SFI1: variants seen among roughly 807,000 people sequenced by gnomAD.
SFI1 encodes SFI1 centrin binding protein, also known as protein SFI1 homolog.
Under a neutral mutation model 207.5 loss-of-function variants are expected in SFI1, and 195 were observed. The observed-to-expected ratio is 0.94, with a 90% CI of 0.84 to 1.06. The LOEUF is 1.06. Ranked by LOEUF, SFI1 falls within the 50% of genes least tolerant of loss-of-function variation. The pLI is 0.00. For missense variants in SFI1, 1,634 were observed against 1,588.0 expected (o/e 1.03, Z -0.49); for synonymous variants, 630 against 598.9 (o/e 1.05, Z -0.76).
intron 9 of SFI1, among the ~76,000 whole-genome samples, chr22:31,574,263 G>A (rs951612597): frequency 2.6e-5 from 4 of 152,206 alleles, no homozygotes; most frequent in Admixed American, 1.3e-4. Context: ...GTTCATTGGA[G>A]GATAGTGACC....
intron 18 of SFI1, 46 bp from the exon 19 acceptor site, chr22:31,604,263 A>G: frequency 6.7e-7 from 1 of 1,495,520 alleles, no homozygotes. Flanking sequence ...AGCCACCCCC[A>G]ACTCAGACCC....
chr22:31,505,128 A>C (rs1308700035), intron 1 of SFI1, among the ~76,000 whole-genome samples: 1 of 152,166 alleles, frequency 6.6e-6, no homozygotes, highest in East Asian at 1.9e-4. Flanking sequence ...TTTTGATACA[A>C]ATTATCACCA....
At chr22:31,555,392 A>T (rs1471044123) in intron 6 of SFI1, among the ~76,000 whole-genome samples, 1 of 152,100 alleles carries the variant, frequency 6.6e-6, no homozygotes, top group Non-Finnish European at 1.5e-5. Flanking sequence ...AAGAGGCAAG[A>T]GTTATTTCTG....
intron 2 of SFI1, among the ~76,000 whole-genome samples, chr22:31,520,839 TAAA>T (rs779343072): frequency 8.2e-6 from 1 of 121,836 alleles, no homozygotes. Flanking sequence ...CTACAAAAAG[TAAA>T]AAAAAAAAAA....
intron 17 of SFI1, among the ~76,000 whole-genome samples, 185 bp downstream of exon 17, chr22:31,602,970 C>T (rs949797747): frequency 6.6e-6 from 1 of 152,248 alleles, no homozygotes; most frequent in Non-Finnish European, 1.5e-5. Flanking sequence ...CAGTGGCTCA[C>T]GCCTGTAATC....
intron 8 of SFI1, among the ~76,000 whole-genome samples, chr22:31,567,283 A>G (rs957089844): frequency 2.6e-5 from 4 of 152,154 alleles, no homozygotes; most frequent in Non-Finnish European, 4.4e-5. Context: ...GAGTCATTTC[A>G]TCTTTGAATT....
rs568871797 is a variant in SFI1 at position 31,562,783 on chromosome 22, G to A, written c.765+1391G>A. Among the ~76,000 whole-genome samples the A allele has an allele frequency of 2.1e-3, 312 of 150,272 alleles. 2 individuals carry two copies. Among genetic ancestry groups the A allele is most frequent in the Non-Finnish European group, 2.6e-3 (178 of 67,608 alleles). ...TGAGTAGCTGGGACTGCAGGTGCCC[G>A]CCACCACGCCCGGCTAATTTTTTGT... On this transcript the variant is annotated intron_variant, in intron 8 of 32. Transcript: ENST00000400288.
chr22:31,609,697 T>G (rs537702177), intron 22 of SFI1, among the ~76,000 whole-genome samples: 1 of 152,232 alleles, frequency 6.6e-6, no homozygotes, highest in South Asian at 2.1e-4. Context: ...GCTGCATTAC[T>G]GCGCCACGAA....
chr22:31,602,436 G>A, intron 16 of SFI1, 143 bp downstream of exon 16: 1 of 1,134,926 alleles, frequency 8.8e-7, no homozygotes, highest in Non-Finnish European at 1.3e-6. Flanking sequence ...GCAGGCTCTG[G>A]GGCATCTGTC....
At chr22:31,567,577 G>C (rs1159970766) in intron 8 of SFI1, among the ~76,000 whole-genome samples, 1 of 151,216 alleles carries the variant, frequency 6.6e-6, no homozygotes, top group Non-Finnish European at 1.5e-5. Context: ...GAGGGGGGGG[G>C]TGTGTGTGTC....
chr22:31,526,701 G>A (rs770677988), intron 2 of SFI1, among the ~76,000 whole-genome samples: 70 of 151,670 alleles, frequency 4.6e-4, no homozygotes, highest in South Asian at 1.0e-3. Context: ...GACTACAGGC[G>A]TGTGCCACCA....
chr22:31,531,817 C>G (rs1014418271), intron 4 of SFI1, among the ~76,000 whole-genome samples: 1 of 151,862 alleles, frequency 6.6e-6, no homozygotes, highest in African/African-American at 2.4e-5. Context: ...TGCTTGAACC[C>G]TGGAGGCGGA....
chr22:31,514,549 A>G (rs1030072689), intron 2 of SFI1, among the ~76,000 whole-genome samples: 1 of 147,958 alleles, frequency 6.8e-6, no homozygotes, highest in Admixed American at 6.8e-5. Flanking sequence ...TATTTCTCCT[A>G]TTTAACTGAG....
At chr22:31,506,438 T>G (rs966324459) in intron 1 of SFI1, among the ~76,000 whole-genome samples, 11 of 152,128 alleles carry the variant, frequency 7.2e-5, no homozygotes, top group African/African-American at 2.7e-4. Flanking sequence ...TGAGGAAAAA[T>G]AAGAAATCTT....
At chr22:31,562,877 C>T (rs748903166) in intron 8 of SFI1, among the ~76,000 whole-genome samples, 2 of 151,862 alleles carry the variant, frequency 1.3e-5, no homozygotes, top group Admixed American at 1.3e-4. Context: ...TTGTGATGGC[C>T]TGCATCGGCC....
intron 1 of SFI1, among the ~76,000 whole-genome samples, chr22:31,500,726 G>C (rs1466342732): frequency 1.3e-5 from 2 of 150,754 alleles, no homozygotes; most frequent in African/African-American, 2.4e-5. Flanking sequence ...CAAAGTGCTG[G>C]GATTACAGGC....
At chr22:31,537,770 A>G (rs960209173) in intron 4 of SFI1, among the ~76,000 whole-genome samples, 1 of 152,226 alleles carries the variant, frequency 6.6e-6, no homozygotes, top group Non-Finnish European at 1.5e-5. Context: ...ATATATCAAT[A>G]TCAAATATCA....
At chr22:31,519,003 T>C (rs2056875346) in intron 2 of SFI1, among the ~76,000 whole-genome samples, 1 of 152,234 alleles carries the variant, frequency 6.6e-6, no homozygotes, top group African/African-American at 2.4e-5. Context: ...TCTTCCAGAC[T>C]ATGCCCTGTG....
intron 15 of SFI1, among the ~76,000 whole-genome samples, chr22:31,598,789 CTTTT>C (rs1203871840): frequency 0.013 from 821 of 64,382 alleles, 3 homozygotes; most frequent in Non-Finnish European, 0.017. Context: ...TCCAGTTTAT[CTTTT>C]TTTTTTTTTT....
Sources: allele counts gnomAD v4.1 joint callset (sites outside exome capture counted in the v4.1 genomes callset), GRCh38; gene constraint gnomAD v4.1.1; transcripts MANE v1.5; gene names NCBI Gene and HGNC (gene_info 2026-07-23, HGNC 2026-07-21).